Variants in EPM2A observed in about 807,000 individuals in gnomAD.
The protein encoded by EPM2A is laforin.
In EPM2A, 21 loss-of-function variants were observed where a neutral mutation model predicts 26.5. The ratio of observed to expected loss-of-function variants is 0.79; its 90% CI spans 0.56 to 1.14. The LOEUF (loss-of-function observed/expected upper bound fraction) is 1.14, where lower values mean the gene tolerates loss of function less well. EPM2A is among the 50% of genes most tolerant of loss of function. EPM2A has a pLI of 0.00. For synonymous variants in EPM2A, 217 were observed against 177.6 expected (o/e 1.22, Z -1.76); for missense variants, 458 against 440.8 (o/e 1.04, Z -0.35).
chr6:145,432,309 T>C (rs988441781), intron 4 of EPM2A, among the ~76,000 whole-genome samples: 24 of 152,326 alleles, frequency 1.6e-4, no homozygotes, highest in Admixed American at 1.4e-3. Flanking sequence ...CTACTCACTA[T>C]CTATGGCAGC....
At chr6:145,619,493 T>C (rs1192337952) in intron 2 of EPM2A, among the ~76,000 whole-genome samples, 1 of 152,206 alleles carries the variant, frequency 6.6e-6, no homozygotes, top group Non-Finnish European at 1.5e-5. Context: ...CAAAGGAAGA[T>C]GTGACTCAGA....
chr6:145,430,298 G>A (rs749339988), intron 4 of EPM2A, among the ~76,000 whole-genome samples: 6 of 152,090 alleles, frequency 3.9e-5, no homozygotes, highest in Non-Finnish European at 8.8e-5. Flanking sequence ...TGTGGAAACA[G>A]GAGTTAAAAA....
intron 2 of EPM2A, among the ~76,000 whole-genome samples, chr6:145,547,871 A>G (rs1463743924): frequency 2.6e-5 from 4 of 152,008 alleles, no homozygotes; most frequent in African/African-American, 9.7e-5. Context: ...TTTCCTTTTA[A>G]ATATTTTTCC....
In EPM2A at chr6:145,531,992, C is replaced by A. The variant is rs149535963; in HGVS notation, c.341-29417G>T. Among the ~76,000 whole-genome samples the A allele has an allele frequency of 2.0e-5, 3 of 152,270 alleles. No individual in the cohort carries two copies. In the East Asian group the frequency reaches 5.8e-4, roughly 29 times the overall value. On this transcript the variant is annotated intron_variant, in intron 2 of 3. Transcript: ENST00000450221. ...GCTTGGCTGGAAGGGGTTAACATAC[C>A]CCCAGTGGGGTTCCTTAGTAACAGC...
chr6:145,427,633 G>A (rs993307996), intron 4 of EPM2A, among the ~76,000 whole-genome samples: 3 of 152,114 alleles, frequency 2.0e-5, no homozygotes, highest in African/African-American at 7.2e-5. Flanking sequence ...GATATACAGG[G>A]TCAAGAGTGA....
At chr6:145,383,438 G>C (rs1321915796) in exon 5 of EPM2A, 1 of 152,202 alleles carries the variant, frequency 6.6e-6, no homozygotes, top group African/African-American at 2.4e-5. Context: ...TTCCAGGGGG[G>C]CCTCAGGAAA....
intron 2 of EPM2A, among the ~76,000 whole-genome samples, chr6:145,517,444 C>A (rs1302051425): frequency 2.0e-5 from 3 of 152,070 alleles, no homozygotes; most frequent in Non-Finnish European, 4.4e-5. Context: ...CTAAGGTAGC[C>A]CCATGCTTGG....
chr6:145,606,891 A>G (rs568380307), intron 2 of EPM2A, among the ~76,000 whole-genome samples: 1 of 152,334 alleles, frequency 6.6e-6, no homozygotes, highest in East Asian at 1.9e-4. Flanking sequence ...TGCAAACATA[A>G]GTGAAACTTA....
At chr6:145,717,621 A>C (rs1373007050) in intron 1 of EPM2A, among the ~76,000 whole-genome samples, 2 of 152,174 alleles carry the variant, frequency 1.3e-5, no homozygotes, top group African/African-American at 4.8e-5. Flanking sequence ...TGGCCACGGC[A>C]ATTAGGCAGG....
intron 3 of EPM2A, 133 bp from the exon 4 acceptor site, chr6:145,627,826 T>C (rs777367333): frequency 9.8e-6 from 13 of 1,322,310 alleles, no homozygotes; most frequent in African/African-American, 4.4e-5. Context: ...TTGCTTTCTT[T>C]CTGCATTGTG....
intron 4 of EPM2A, among the ~76,000 whole-genome samples, chr6:145,413,388 T>C (rs181649659): frequency 1.3e-5 from 2 of 152,310 alleles, no homozygotes; most frequent in Admixed American, 1.3e-4. Context: ...TGTTGTGTAG[T>C]TTGAAATTAT....
At chr6:145,550,870 G>T (rs1780645758) in intron 2 of EPM2A, among the ~76,000 whole-genome samples, 1 of 151,960 alleles carries the variant, frequency 6.6e-6, no homozygotes, top group Non-Finnish European at 1.5e-5. Context: ...CAGTAAGGAA[G>T]CCTTACTGAT....
At chr6:145,432,500 CTT>C (rs3063949) in intron 4 of EPM2A, among the ~76,000 whole-genome samples, 1 of 147,206 alleles carries the variant, frequency 6.8e-6, no homozygotes, top group South Asian at 2.1e-4. Flanking sequence ...TTTTTTGAGT[CTT>C]TTTTTTTTTT....
intron 2 of EPM2A, among the ~76,000 whole-genome samples, chr6:145,576,333 A>G (rs185603418): frequency 1.3e-5 from 2 of 151,990 alleles, no homozygotes; most frequent in Non-Finnish European, 2.9e-5. Context: ...TTGTTGTCCA[A>G]TTAATGAAAG....
At chr6:145,548,555 A>T (rs1284785847) in intron 2 of EPM2A, among the ~76,000 whole-genome samples, 67 of 152,122 alleles carry the variant, frequency 4.4e-4, no homozygotes, top group Non-Finnish European at 4.4e-5. Flanking sequence ...TCCAGAATAC[A>T]TGAATAATAA....
At chr6:145,671,166 G>A (rs987305299) in intron 2 of EPM2A, 40 of 1,005,070 alleles carry the variant, frequency 4.0e-5, no homozygotes, top group African/African-American at 1.2e-4. Context: ...GATTCTTGTC[G>A]AAGTTTGATT....
chr6:145,734,932 AGGCAACAGAGT>A (rs1202242763), intron 1 of EPM2A: 1 of 249,060 alleles, frequency 4.0e-6, no homozygotes, highest in Non-Finnish European at 7.6e-6. Context: ...TCAGAGGGGC[AGGCAACAGAGT>A]GGGCGGGAAG....
At chr6:145,597,554 T>C (rs9497365) in intron 2 of EPM2A, among the ~76,000 whole-genome samples, 6,062 of 152,008 alleles carry the variant, frequency 0.04, 178 homozygotes, top group African/African-American at 0.086. Flanking sequence ...TTTTTTTGTG[T>C]TGCATAATCA....
intron 4 of EPM2A, among the ~76,000 whole-genome samples, chr6:145,453,832 C>CCG (rs1779227885): frequency 1.3e-5 from 2 of 152,160 alleles, no homozygotes; most frequent in Non-Finnish European, 2.9e-5. Flanking sequence ...ATAAAAAGCT[C>CCG]TGAGAATTAT....
Sources: allele counts gnomAD v4.1 joint callset (sites outside exome capture counted in the v4.1 genomes callset), GRCh38; gene constraint gnomAD v4.1.1; transcripts MANE v1.5; gene names NCBI Gene and HGNC (gene_info 2026-07-23, HGNC 2026-07-21).